ADSS2: variants seen among roughly 807,000 people sequenced by gnomAD.
ADSS2 encodes the protein adenylosuccinate synthetase isozyme 2.
A neutral mutation model predicts 60.0 loss-of-function variants in ADSS2; 30 were observed. That is an observed-to-expected ratio of 0.50 (90% CI 0.37 to 0.68). ADSS2 has a LOEUF of 0.68. Ranked by LOEUF, ADSS2 falls within the 30% of genes least tolerant of loss-of-function variation. The pLI is 0.00. For missense variants in ADSS2, 373 were observed against 554.8 expected (o/e 0.67, Z 3.29); for synonymous variants, 187 against 193.1 (o/e 0.97, Z 0.26).
intron 1 of ADSS2, among the ~76,000 whole-genome samples, chr1:244,446,860 A>T (rs1170041977): frequency 6.6e-6 from 1 of 152,210 alleles, no homozygotes; most frequent in Non-Finnish European, 1.5e-5. Context: ...AACACATTGA[A>T]ATTAAACTAC....
chr1:244,423,502 C>T (rs1420420330), intron 6 of ADSS2, among the ~76,000 whole-genome samples: 2 of 152,104 alleles, frequency 1.3e-5, no homozygotes, highest in African/African-American at 4.8e-5. Flanking sequence ...CATGTGTTAA[C>T]GTAGCATCTG....
chr1:244,428,516 A>G (rs868852986), intron 4 of ADSS2, among the ~76,000 whole-genome samples: 28 of 149,228 alleles, frequency 1.9e-4, no homozygotes, highest in South Asian at 1.1e-3. Context: ...GGAAGGAAGG[A>G]AGGGAGGGAG....
At position 244,432,544 on chromosome 1, in the gene ADSS2, C is replaced by T; in HGVS notation, c.406+1G>A. On this transcript the variant is annotated splice_donor_variant, in intron 4 of 12. Transcript: ENST00000366535. LOFTEE classifies it high-confidence loss of function. ...AAATAAATGCAATATATCCACCTTA[C>T]CAATATGAGCTCTGTCAGATATAAT... 1.3e-6 allele frequency: 2 copies of T among 1,565,670 alleles called. No homozygotes were observed. Among genetic ancestry groups the T allele is most frequent in the Non-Finnish European group, 1.7e-6 (2 of 1,153,008 alleles).
intron 1 of ADSS2, among the ~76,000 whole-genome samples, chr1:244,445,596 T>C (rs573755789): frequency 5.3e-4 from 80 of 151,572 alleles, no homozygotes; most frequent in African/African-American, 1.9e-3. Flanking sequence ...GATCAGGAAA[T>C]GCTAATATGT....
chr1:244,411,512 CA>C (rs1379046584), intron 11 of ADSS2, 76 bp from the exon 12 acceptor site: 1 of 1,413,606 alleles, frequency 7.1e-7, no homozygotes, highest in African/African-American at 1.5e-5. Context: ...ATTGTAGGTT[CA>C]AAATGTCTTT....
chr1:244,423,004 G>C (rs1664710586), intron 6 of ADSS2, 88 bp from the exon 7 acceptor site: 1 of 849,754 alleles, frequency 1.2e-6, no homozygotes, highest in Non-Finnish European at 1.8e-6. Context: ...TCTGCAGATG[G>C]TAAATGATCT....
chr1:244,408,980 A>G lies in ADSS2; in HGVS notation c.*606T>C, dbSNP rs1218633713. The G allele has an allele frequency of 6.6e-6, 1 of 152,650 alleles. No individual in the cohort carries two copies. The highest frequency in any genetic ancestry group is 2.4e-5 in the African/African-American group (1 of 41,454). 9.5% of individuals were successfully genotyped at this position (152,650 alleles called of 1,614,324 possible). On this transcript the variant is annotated 3_prime_UTR_variant, in exon 13 of 13. Coordinates refer to ENST00000366535, the MANE Select transcript of ADSS2 (RefSeq NM_001126.5). Reference sequence around the variant, plus strand: ...GACAGAAATAAGTTCTGTGTTCTGTACAAATTAAAGGTCCCATGAATACAT... The same window carrying G: ...GACAGAAATAAGTTCTGTGTTCTGTGCAAATTAAAGGTCCCATGAATACAT...
intron 12 of ADSS2, 23 bp downstream of exon 12, chr1:244,411,264 A>T (rs746352792): frequency 1.3e-6 from 2 of 1,578,272 alleles, no homozygotes; most frequent in African/African-American, 1.4e-5. Flanking sequence ...GAAAAAACTT[A>T]TTCACAAAGT....
In ADSS2 at chr1:244,420,269, C is replaced by A. The variant is rs769037132; in HGVS notation, c.691G>T (p.Val231Leu). Residue 231 changes from valine (V) to leucine (L), a missense_variant, in exon 8 of 13, where the codon GTG becomes TTG. Physicochemically the swap from Val to Leu is conservative, Grantham distance 32. Around this residue, in one of 5 missense-constraint regions of ADSS2, gnomAD observed 139 missense variants for 189.4 expected, o/e 0.73. Transcript: ENST00000366535. ...KGYMEKIKPM[V>L]RDGVYFLYEA... ...TATAGAAAATAAACTCCATCTCTCA[C>A]CATTGGTTTAATCTTTTCCATATAA... The A allele has an allele frequency of 6.2e-7, 1 of 1,613,268 alleles. No homozygotes were observed. Among genetic ancestry groups the A allele is most frequent in the South Asian group, 1.1e-5 (1 of 91,044 alleles).
intron 1 of ADSS2, among the ~76,000 whole-genome samples, chr1:244,450,784 G>T (rs1234278714): frequency 3.9e-5 from 6 of 152,150 alleles, no homozygotes; most frequent in Non-Finnish European, 8.8e-5. Flanking sequence ...TGAAAACCAC[G>T]TGTCTCCCGT....
At chr1:244,433,172 G>C (rs1350865174) in intron 3 of ADSS2, among the ~76,000 whole-genome samples, 1 of 152,058 alleles carries the variant, frequency 6.6e-6, no homozygotes, top group Non-Finnish European at 1.5e-5. Context: ...GGAGGCAGAG[G>C]TTGCAGTAAG....
Position 244,424,166 on chromosome 1 carries a change from G to A in ADSS2, c.474-106C>T. 1.7e-6 allele frequency: 2 copies of A among 1,188,866 alleles called. 1 individual carries two copies. 73.6% of individuals were successfully genotyped at this position (1,188,866 alleles called of 1,614,324 possible). ...TTACATATGACTATTTTCTGTTTAT[G>A]TTATTTCTTGCTAAGTATATGTTCA... On this transcript the variant is annotated intron_variant, in intron 5 of 12. Transcript: ENST00000366535.
chr1:244,422,893 T>C lies in ADSS2; in HGVS notation c.605A>G (p.Tyr202Cys), dbSNP rs1222272201. The C allele has an allele frequency of 6.3e-7, 1 of 1,594,834 alleles. No homozygotes were observed. Among genetic ancestry groups the C allele is most frequent in the African/African-American group, 1.3e-5 (1 of 74,564 alleles). Residue 202 changes from tyrosine (Y) to cysteine (C), a missense_variant, in exon 7 of 13, where the codon TAC (tyrosine) becomes TGC (cysteine). By Grantham distance (194) the Tyr-to-Cys change is radical. Transcript: ENST00000366535. ...SERFKVLANQ[Y>C]KSIYPTLEID... ...TTCCAAAGTGGGGTATATAGATTTG[T>C]ATTGGTTAGCTAGAACTTTAAACCT...
At chr1:244,432,662 T>TTC (rs1266307023) in intron 3 of ADSS2, 67 bp from the exon 4 acceptor site, 7 of 427,776 alleles carry the variant, frequency 1.6e-5, no homozygotes, top group South Asian at 3.1e-5. Context: ...CTTAATTTCT[T>TTC]TTTTTTTTTT....
chr1:244,441,140 A>G (rs540541087), intron 1 of ADSS2, among the ~76,000 whole-genome samples: 1 of 150,420 alleles, frequency 6.6e-6, no homozygotes, highest in South Asian at 2.1e-4. Flanking sequence ...CCCACTGCAA[A>G]CTCCGCCTCT....
In ADSS2 at chr1:244,432,574, CT is replaced by C; in HGVS notation, c.376del (p.Arg126GlyfsTer73). ...KGKGLEGWEK[R>X]LIISDRAHIV... ...ATGAGCTCTGTCAGATATAATAAGC[CT>C]TTTTTCCCAGCCTTCTAGTCCTAGA... On this transcript the variant is annotated frameshift_variant, in exon 4 of 13. Coordinates refer to ENST00000366535, the MANE Select transcript of ADSS2 (RefSeq NM_001126.5). LOFTEE classifies it high-confidence loss of function. 1.0e-5 allele frequency: 16 copies of C among 1,578,704 alleles called. No homozygotes were observed. Among genetic ancestry groups the C allele is most frequent in the South Asian group, 2.3e-5 (2 of 85,332 alleles).
chr1:244,425,310 C>T (rs948510799), intron 4 of ADSS2, among the ~76,000 whole-genome samples: 2 of 152,140 alleles, frequency 1.3e-5, no homozygotes, highest in Non-Finnish European at 2.9e-5. Context: ...ATAATTTATA[C>T]ACCACAAAAT....
intron 4 of ADSS2, 28 bp from the exon 5 acceptor site, chr1:244,424,415 G>C (rs1664748589): frequency 3.1e-6 from 5 of 1,600,094 alleles, no homozygotes; most frequent in Admixed American, 1.7e-5. Flanking sequence ...CACAGTTGTT[G>C]AAACAAAGAT....
chr1:244,446,337 C>T (rs1237276030), intron 1 of ADSS2, among the ~76,000 whole-genome samples: 2 of 152,118 alleles, frequency 1.3e-5, no homozygotes, highest in Non-Finnish European at 2.9e-5. Context: ...GCTTATGATT[C>T]CAAAGTAGAG....
Sources: allele counts gnomAD v4.1 joint callset (sites outside exome capture counted in the v4.1 genomes callset), GRCh38; gene constraint gnomAD v4.1.1; regional missense constraint gnomAD v4.1.1; transcripts MANE v1.5; gene names NCBI Gene and HGNC (gene_info 2026-07-23, HGNC 2026-07-21).